Variants in USP42 observed in about 807,000 individuals in gnomAD.
USP42 encodes the protein ubiquitin carboxyl-terminal hydrolase 42.
USP42 carries 23 observed loss-of-function variants against 113.0 expected under a neutral mutation model. That is an observed-to-expected ratio of 0.20 (90% confidence interval 0.15 to 0.29). The LOEUF (loss-of-function observed/expected upper bound fraction) is 0.29, where lower values mean the gene tolerates loss of function less well. Among genes scored for constraint, USP42 ranks in the 10% least tolerant of loss-of-function variants. USP42 has a pLI of 1.00. For synonymous variants in USP42, 933 were observed against 699.0 expected (o/e 1.33, Z -5.28); for missense variants, 2,174 against 1,779.8 (o/e 1.22, Z -3.99).
At position 6,154,460 on chromosome 7, in the gene USP42, G is replaced by T. The variant is rs1436905998; in HGVS notation, c.2906G>T (p.Ser969Ile). ...TCCAGCGGGGAGCCCGCCAGAGAGA[G>T]CAGGAGCAAGACTGAGGGCCACCGT... ...RSSSGEPARE[S>I]RSKTEGHRHR... is the part of the protein sequence containing the mutation. Residue 969 changes from serine to isoleucine, a missense_variant, in exon 15 of 18, where the codon AGC (serine) becomes ATC (isoleucine). By Grantham distance (142) the Ser-to-Ile change is moderately radical. Transcript: ENST00000306177. 6.4e-7 allele frequency: 1 copy of T among 1,562,716 alleles called. No individual in the cohort carries two copies. Among genetic ancestry groups the T allele is most frequent in the East Asian group, 2.4e-5 (1 of 41,776 alleles).
At chr7:6,126,432 C>T (rs900205601) in intron 3 of USP42, among the ~76,000 whole-genome samples, 2 of 152,036 alleles carry the variant, frequency 1.3e-5, no homozygotes, top group African/African-American at 4.8e-5. Flanking sequence ...CTACAGGTGC[C>T]CACCACCACG....
At position 6,135,830 on chromosome 7, in the gene USP42, C is replaced by CT; in HGVS notation, c.443-10dup. ...TTTTGCTAATTTGGAGGATTATCAT[C>CT]TATCTTTCAGGTCATGCAGAAGGCT... On this transcript the variant is annotated splice_polypyrimidine_tract_variant and intron_variant, in intron 3 of 17. Coordinates refer to ENST00000306177, the MANE Select transcript of USP42 (RefSeq NM_032172.3). 1 of 1,568,698 alleles carries CT rather than the reference C, an allele frequency of 6.4e-7. No individual in the cohort carries two copies.
intron 15 of USP42, 30 bp downstream of exon 15, chr7:6,155,225 C>A: frequency 6.7e-7 from 1 of 1,496,540 alleles, no homozygotes; most frequent in Non-Finnish European, 8.8e-7. Context: ...CTCCCCGAGG[C>A]GCTGGCGCTG....
At chr7:6,082,547 G>A in the USP42 span, among the ~76,000 whole-genome samples, 2 of 148,578 alleles carry the variant, frequency 1.3e-5, no homozygotes, top group South Asian at 2.1e-4. Context: ...GAATCCAAGA[G>A]TTCAAGACCA....
At chr7:6,144,478 T>G (rs1781594130) in intron 9 of USP42, among the ~76,000 whole-genome samples, 1 of 152,222 alleles carries the variant, frequency 6.6e-6, no homozygotes, top group Admixed American at 6.5e-5. Context: ...GGTAGTACAC[T>G]GAATTTTCCC....
intron 3 of USP42, among the ~76,000 whole-genome samples, chr7:6,123,792 C>T (rs1780368759): frequency 6.9e-6 from 1 of 145,978 alleles, no homozygotes; most frequent in Non-Finnish European, 1.5e-5. Flanking sequence ...AGGATTATGC[C>T]ACTGTACTCC....
rs1283984638 is a variant in USP42 at position 6,154,641 on chromosome 7, GCT to G, written c.3088_3089del (p.Leu1030GlyfsTer34). On this transcript the variant is annotated frameshift_variant, in exon 15 of 18. Transcript: ENST00000306177. LOFTEE classifies it high-confidence loss of function. ...ACTCCCGACACCGGAGCGGGGTGGA[GCT>G]GGACTGGGTCAGACACCACTACACC... ...HHSRHRSGVELDWVRHHYTEG... is the reference protein window; with the variant it reads ...HHSRHRSGVEXDWVRHHYTEG... The G allele has an allele frequency of 6.2e-7, 1 of 1,604,840 alleles. No individual in the cohort carries two copies. Among genetic ancestry groups the G allele is most frequent in the East Asian group, 2.2e-5 (1 of 44,570 alleles).
At chr7:6,092,380 T>C in the USP42 span, among the ~76,000 whole-genome samples, 1 of 150,430 alleles carries the variant, frequency 6.6e-6, no homozygotes, top group African/African-American at 2.5e-5. Context: ...GGTTTCACCA[T>C]GTTGGCCAGG....
At chr7:6,135,651 C>CAAAAA (rs1173165919) in intron 3 of USP42, among the ~76,000 whole-genome samples, 190 bp from the exon 4 acceptor site, 1 of 16,154 alleles carries the variant, frequency 6.2e-5, no homozygotes, top group South Asian at 2.8e-3. Flanking sequence ...GACTCCATCT[C>CAAAAA]AAAAAAAAAA....
intron 9 of USP42, 96 bp downstream of exon 9, chr7:6,144,292 G>A (rs913812557): frequency 1.3e-6 from 1 of 788,838 alleles, no homozygotes; most frequent in Non-Finnish European, 1.9e-6. Flanking sequence ...ACTTTCTCAT[G>A]ACAAAATTGC....
chr7:6,147,788 C>T lies in USP42; in HGVS notation c.1282C>T (p.Pro428Ser). 5 of 1,610,368 alleles carry T rather than the reference C, an allele frequency of 3.1e-6. No individual in the cohort carries two copies. The highest frequency in any genetic ancestry group is 1.7e-5 in the Admixed American group (1 of 59,818). ...GGELTHPTHS[P>S]GQSSPRPVIS... ...TGAACTTACTCATCCCACCCATAGC[C>T]CCGGCCAGTCCTCTCCCCGCCCCGT... Residue 428 changes from proline (P) to serine (S), a missense_variant, in exon 12 of 18, where the codon CCC becomes TCC. Pro to Ser is a moderately conservative substitution (Grantham distance 74, BLOSUM62 -1). Coordinates refer to ENST00000306177, the MANE Select transcript of USP42 (RefSeq NM_032172.3).
At chr7:6,125,364 C>G (rs1780477518) in intron 3 of USP42, among the ~76,000 whole-genome samples, 1 of 151,952 alleles carries the variant, frequency 6.6e-6, no homozygotes, top group South Asian at 2.1e-4. Context: ...GTGGCAGATG[C>G]CTGTAATCTC....
intron 3 of USP42, among the ~76,000 whole-genome samples, chr7:6,134,000 C>T (rs1032440019): frequency 5.3e-5 from 8 of 151,262 alleles, no homozygotes; most frequent in Non-Finnish European, 1.5e-5. Flanking sequence ...ACGCCATTCT[C>T]TTGCCTCAGC....
At chr7:6,132,709 T>C (rs1193492073) in intron 3 of USP42, among the ~76,000 whole-genome samples, 1 of 152,018 alleles carries the variant, frequency 6.6e-6, no homozygotes, top group African/African-American at 2.4e-5. Flanking sequence ...TTTTGCTCTG[T>C]TGCCCAGGCT....
rs1779256213 is a variant in USP42, at chr7:6,105,944, CTGTT to C, written c.-10+915_-10+918del. Among the ~76,000 whole-genome samples, 5 of 152,332 alleles carry C rather than the reference CTGTT, an allele frequency of 3.3e-5. No individual in the cohort carries two copies. In the South Asian group the frequency reaches 1.0e-3, roughly 32 times the overall value. On this transcript the variant is annotated intron_variant, in intron 1 of 17. Transcript: ENST00000306177. Reference sequence around the variant, plus strand: ...TAAAGTCAATACCCTGACAGCAAAACTGTTTGAGAAACTAGTTAACGCCTCCTTT... The same window carrying C: ...TAAAGTCAATACCCTGACAGCAAAACTGAGAAACTAGTTAACGCCTCCTTT...
chr7:6,134,821 T>C (rs1781040271), intron 3 of USP42, among the ~76,000 whole-genome samples: 1 of 152,244 alleles, frequency 6.6e-6, no homozygotes, highest in African/African-American at 2.4e-5. Flanking sequence ...GGTCTCGCTC[T>C]GTTGCCCAGG....
chr7:6,160,223 C>A (rs1290040102), intron 17 of USP42, among the ~76,000 whole-genome samples: 4 of 152,212 alleles, frequency 2.6e-5, no homozygotes, highest in Non-Finnish European at 4.4e-5. Context: ...ATTAATTGGC[C>A]GTTAATTAAC....
intron 3 of USP42, among the ~76,000 whole-genome samples, chr7:6,118,235 A>T (rs77694571): frequency 6.6e-6 from 1 of 151,844 alleles, no homozygotes; most frequent in Non-Finnish European, 1.5e-5. Context: ...CTCTATATAT[A>T]AAAAAAATCA....
chr7:6,106,808 C>T (rs558349107), intron 1 of USP42, among the ~76,000 whole-genome samples: 1 of 152,304 alleles, frequency 6.6e-6, no homozygotes, highest in East Asian at 1.9e-4. Context: ...TCAAGCCATC[C>T]TGCTGCCTTG....
Sources: gnomAD v4.1 joint callset for allele counts (sites outside exome capture counted in the v4.1 genomes callset) on GRCh38, gnomAD v4.1.1 for gene constraint, MANE v1.5 for transcripts, NCBI Gene and HGNC (gene_info 2026-07-23, HGNC 2026-07-21) for gene names.